The following GRIP2 variants were observed in gnomAD, a reference collection of about 807,000 sequenced individuals.
GRIP2 encodes the protein glutamate receptor interacting protein 2.
Under a neutral mutation model 108.3 loss-of-function variants are expected in GRIP2, and 58 were observed. The observed-to-expected ratio is 0.54, with a 90% CI of 0.43 to 0.67. The LOEUF is 0.67. GRIP2 is among the 30% of genes least tolerant of loss of function. GRIP2 has a pLI of 0.00. For synonymous variants in GRIP2, 586 were observed against 598.2 expected, an observed-to-expected ratio of 0.98 and a Z score of 0.30; for missense variants, 1,278 against 1,430.6, an observed-to-expected ratio of 0.89 and a Z score of 1.72.
At chr3:14,572,151 G>T in the GRIP2 span, among the ~76,000 whole-genome samples, 21,832 of 152,118 alleles carry the variant, frequency 0.14, 1,669 homozygotes, top group South Asian at 0.2. Flanking sequence ...TTTAGGCACC[G>T]GAGTATTCAC....
At position 14,490,011 on chromosome 3, in the gene GRIP2, G is replaced by C. The variant is rs1701296100; in HGVS notation, c.*3654C>G. ...AACTCGGGAGTCAGTTGAGCCCTTTGCCCAACTAACCAGACAAAATTCTCA... is the reference window on the plus strand; with the variant it reads ...AACTCGGGAGTCAGTTGAGCCCTTTCCCCAACTAACCAGACAAAATTCTCA... On this transcript the variant is annotated 3_prime_UTR_variant, in exon 24 of 24. Coordinates refer to ENST00000621039, the MANE Select transcript of GRIP2 (RefSeq NM_001080423.4). 1 of 152,160 alleles carries C rather than the reference G, an allele frequency of 6.6e-6. No homozygotes were observed. The highest frequency in any genetic ancestry group is 1.5e-5 in the Non-Finnish European group (1 of 68,030). The allele number at this position is 152,160 out of a possible 1,614,324, so 9.4% of individuals were successfully genotyped here.
intron 1 of GRIP2, among the ~76,000 whole-genome samples, chr3:14,527,586 T>C (rs1318989659): frequency 3.3e-5 from 5 of 152,164 alleles, no homozygotes. Flanking sequence ...ACTTATATTA[T>C]TCTTCACTTT....
At chr3:14,519,032 A>G (rs964715966) in intron 9 of GRIP2, among the ~76,000 whole-genome samples, 2 of 152,244 alleles carry the variant, frequency 1.3e-5, no homozygotes, top group Non-Finnish European at 2.9e-5. Flanking sequence ...GGAGGACAGT[A>G]AGACTAAGCT....
intron 1 of GRIP2, among the ~76,000 whole-genome samples, chr3:14,526,206 C>G (rs1343861033): frequency 6.6e-6 from 1 of 152,198 alleles, no homozygotes; most frequent in African/African-American, 2.4e-5. Context: ...TCTCAACAAC[C>G]CTGTGAATGT....
chr3:14,585,627 G>A, the GRIP2 span, among the ~76,000 whole-genome samples: 1 of 152,320 alleles, frequency 6.6e-6, no homozygotes, highest in East Asian at 1.9e-4. Flanking sequence ...GCTTAAAGGA[G>A]ACCAGAGAGC....
chr3:14,574,342 G>C, the GRIP2 span: 14 of 999,410 alleles, frequency 1.4e-5, no homozygotes, highest in South Asian at 1.8e-4. Context: ...TTGCGCACCG[G>C]CACAGCGATG....
At chr3:14,598,406 G>T in the GRIP2 span, among the ~76,000 whole-genome samples, 14 of 151,874 alleles carry the variant, frequency 9.2e-5, no homozygotes, top group Non-Finnish European at 1.8e-4. Context: ...GTCCATAACT[G>T]CAGAAATGCC....
At chr3:14,498,120 C>T (rs1017910421) in intron 21 of GRIP2, among the ~76,000 whole-genome samples, 6 of 152,078 alleles carry the variant, frequency 3.9e-5, no homozygotes, top group Non-Finnish European at 4.4e-5. Flanking sequence ...ATTTGGGGTG[C>T]GGGGGGTTGG....
chr3:14,588,890 G>A, the GRIP2 span, among the ~76,000 whole-genome samples: 1 of 152,122 alleles, frequency 6.6e-6, no homozygotes, highest in East Asian at 1.9e-4. Context: ...TCCATCCAGG[G>A]ACCTCCAAGA....
chr3:14,599,060 T>G, the GRIP2 span, among the ~76,000 whole-genome samples: 1 of 152,172 alleles, frequency 6.6e-6, no homozygotes, highest in Non-Finnish European at 1.5e-5. Flanking sequence ...TCTGAAACTC[T>G]CCATTCACAT....
chr3:14,592,220 G>A, the GRIP2 span, among the ~76,000 whole-genome samples: 1 of 152,192 alleles, frequency 6.6e-6, no homozygotes, highest in Non-Finnish European at 1.5e-5. Context: ...TGGAGTGGGG[G>A]AACTTTCAGA....
chr3:14,568,390 A>ACT, the GRIP2 span, among the ~76,000 whole-genome samples: 1 of 152,206 alleles, frequency 6.6e-6, no homozygotes, highest in Non-Finnish European at 1.5e-5. Context: ...AGACACACAC[A>ACT]GCCCTGTGAG....
the GRIP2 span, among the ~76,000 whole-genome samples, chr3:14,591,245 T>A: frequency 6.6e-6 from 1 of 152,202 alleles, no homozygotes; most frequent in Non-Finnish European, 1.5e-5. Context: ...CCAGACAGAA[T>A]TCCACGCTCC....
At chr3:14,559,384 G>C (rs1297725352), upstream of GRIP2, among the ~76,000 whole-genome samples, 1 of 150,890 alleles carries the variant, frequency 6.6e-6, no homozygotes, top group African/African-American at 2.4e-5. Context: ...ACCCTGGTGG[G>C]TCTGGTAAAT....
At chr3:14,574,033 C>T in the GRIP2 span, 1 of 1,488,174 alleles carries the variant, frequency 6.7e-7, no homozygotes, top group East Asian at 2.3e-5. Flanking sequence ...GAGCTGGGCC[C>T]GATCCAGAAG....
At chr3:14,539,418 G>A (rs574434649) in intron 1 of GRIP2, among the ~76,000 whole-genome samples, 70 of 152,298 alleles carry the variant, frequency 4.6e-4, no homozygotes, top group Non-Finnish European at 7.4e-4. Flanking sequence ...CAGGGCTGGG[G>A]GCTCTGCAGT....
At chr3:14,573,517 A>G in the GRIP2 span, 9 of 1,517,608 alleles carry the variant, frequency 5.9e-6, 1 homozygote, top group South Asian at 1.0e-4. Flanking sequence ...TCATCCATGC[A>G]GTGCACCTGA....
At position 14,517,198 on chromosome 3, in the gene GRIP2, G is replaced by A. The variant is rs751157863; in HGVS notation, c.1172C>T (p.Pro391Leu). ...GTGGTTCAAGGTCGGCGAGGAAAAG[G>A]GAGTTGAAGACAAGGCTGGGGAGAT... Reference protein sequence around the residue: ...QDQSRSLSSTPFSSPTLNHAF... With the variant: ...QDQSRSLSSTLFSSPTLNHAF... Residue 391 changes from proline to leucine, a missense_variant, in exon 11 of 24, where the codon CCC (proline) becomes CTC (leucine). Coordinates refer to ENST00000621039, the MANE Select transcript of GRIP2 (RefSeq NM_001080423.4). 32 of 1,594,372 alleles carry A rather than the reference G, an allele frequency of 2.0e-5. No homozygotes were observed. Among genetic ancestry groups the A allele is most frequent in the Non-Finnish European group, 2.6e-5 (30 of 1,170,730 alleles).
At chr3:14,539,255 C>T (rs1694903647) in intron 1 of GRIP2, among the ~76,000 whole-genome samples, 1 of 152,142 alleles carries the variant, frequency 6.6e-6, no homozygotes, top group African/African-American at 2.4e-5. Flanking sequence ...TAGAAAAGAG[C>T]CTGGCCCAGA....
Sources: allele counts gnomAD v4.1 joint callset (sites outside exome capture counted in the v4.1 genomes callset), GRCh38; gene constraint gnomAD v4.1.1; transcripts MANE v1.5; gene names NCBI Gene and HGNC (gene_info 2026-07-23, HGNC 2026-07-21).